Variants in TMPRSS6 observed in about 807,000 individuals in gnomAD.
TMPRSS6 encodes transmembrane serine protease 6.
TMPRSS6 carries 67 observed loss-of-function variants against 101.5 expected under a neutral mutation model. That is an observed-to-expected ratio of 0.66 (90% CI 0.54 to 0.81). The LOEUF (loss-of-function observed/expected upper bound fraction) is 0.81. TMPRSS6 is among the 30% of genes least tolerant of loss of function. TMPRSS6 has a pLI of 0.00. For synonymous variants in TMPRSS6, 453 were observed against 464.9 expected (o/e 0.97, Z 0.33); for missense variants, 1,034 against 1,088.7 (o/e 0.95, Z 0.71).
chr22:37,073,492 C>T lies in TMPRSS6; in HGVS notation c.1555+40G>A, dbSNP rs540699038. On this transcript the variant is annotated intron_variant, in intron 13 of 17. Coordinates refer to ENST00000676104, the MANE Select transcript of TMPRSS6 (RefSeq NM_001374504.1). ...GAAGCATGTAGCAGGCCTAGACTGC[C>T]TTTGGTGTCCCTCCAGACACTCGGC... 27 of 1,444,072 alleles carry T rather than the reference C, an allele frequency of 1.9e-5. No homozygotes were observed. In the East Asian group the frequency reaches 2.0e-4, roughly 11 times the overall value. The allele number at this position is 1,444,072 out of a possible 1,614,324, so 89.5% of individuals were successfully genotyped here. A position where few individuals can be genotyped will look rare whatever the true frequency, so the allele number is the denominator to read the frequency against.
intron 6 of TMPRSS6, among the ~76,000 whole-genome samples, chr22:37,095,100 A>G (rs2543511): frequency 0.42 from 64,374 of 151,806 alleles, 13,782 homozygotes; most frequent in African/African-American, 0.47. Context: ...AAAGGAAAAG[A>G]GGGAAGGAGC....
At chr22:37,086,118 GA>G (rs555020910) in intron 8 of TMPRSS6, among the ~76,000 whole-genome samples, 164 bp downstream of exon 8, 1 of 143,772 alleles carries the variant, frequency 7.0e-6, no homozygotes, top group South Asian at 2.4e-4. Context: ...ACGGAAGGAA[GA>G]GGGGGGCCGG....
At chr22:37,084,655 C>A in intron 9 of TMPRSS6, 72 bp downstream of exon 9, 1 of 1,322,202 alleles carries the variant, frequency 7.6e-7, no homozygotes, top group South Asian at 1.3e-5. Context: ...TGCCCCCTCT[C>A]ATCCCGGGTC....
At chr22:37,095,388 G>A (rs185983955) in intron 6 of TMPRSS6, among the ~76,000 whole-genome samples, 163 bp downstream of exon 6, 1 of 152,230 alleles carries the variant, frequency 6.6e-6, no homozygotes, top group African/African-American at 2.4e-5. Context: ...TCCAAGACTT[G>A]CTTGGGACAC....
chr22:37,097,636 T>C (rs926379208), intron 3 of TMPRSS6, among the ~76,000 whole-genome samples: 4 of 151,960 alleles, frequency 2.6e-5, no homozygotes, highest in Non-Finnish European at 2.9e-5. Flanking sequence ...TGAGCCACCA[T>C]CCTGTAACAG....
In TMPRSS6 at chr22:37,069,161, C is replaced by T. The variant is rs374731279; in HGVS notation, c.2025G>A (p.Val675=). 4.9e-5 allele frequency: 78 copies of T among 1,581,558 alleles called. No homozygotes were observed. In the African/African-American group the frequency reaches 8.9e-4, roughly 18 times the overall value. ...LDHPVVRSAA[V]RPVCLPARSH... is the part of the protein sequence containing the mutation. ...AGCGCGCGGGCAGGCAGACGGGGCG[C>T]ACGGCGGCCGAGCGCACCACCGGGT... The change falls in exon 16 of 18, where the codon GTG becomes GTA. Residue 675 remains valine, a synonymous_variant. Coordinates refer to ENST00000676104, the MANE Select transcript of TMPRSS6 (RefSeq NM_001374504.1). The surrounding 1 kb of genome is among the most constrained non-coding windows in gnomAD (Gnocchi z 4.8).
rs1392107167 is a variant in TMPRSS6, at chr22:37,075,272, CCA to C, written c.1203_1204del (p.Cys401TrpfsTer65). 6.2e-7 allele frequency: 1 copy of C among 1,613,438 alleles called. No individual in the cohort carries two copies. The highest frequency in any genetic ancestry group is 8.5e-7 in the Non-Finnish European group (1 of 1,180,000). On this transcript the variant is annotated frameshift_variant, in exon 11 of 18. Transcript: ENST00000676104. LOFTEE classifies it high-confidence loss of function. The stretch of plus-strand genomic sequence containing the variant: ...GGCGTAGGGCTGCAGGATGCGCAAG[CCA>C]CACAGCCTGGGGGGAGTCAGAGACG...
chr22:37,077,310 C>T (rs900615438), intron 10 of TMPRSS6, among the ~76,000 whole-genome samples: 1 of 152,212 alleles, frequency 6.6e-6, no homozygotes, highest in African/African-American at 2.4e-5. Context: ...CGAATTCCCA[C>T]TGCAACAGGA....
chr22:37,078,973 A>AAAAAGAAAGAAAGAAAG (rs1555888508), intron 10 of TMPRSS6, among the ~76,000 whole-genome samples: 16 of 106,510 alleles, frequency 1.5e-4, no homozygotes, highest in Non-Finnish European at 3.1e-4. Context: ...GAAAGAAAGA[A>AAAAAGAAAGAAAGAAAG]AAAGAAAGAA....
chr22:37,083,027 G>T, intron 10 of TMPRSS6: 1 of 471,126 alleles, frequency 2.1e-6, no homozygotes. Flanking sequence ...AAGAATTCTA[G>T]AGCCCCAGAG....
At chr22:37,098,664 C>A in intron 2 of TMPRSS6, 115 bp from the exon 3 acceptor site, 1 of 1,346,806 alleles carries the variant, frequency 7.4e-7, no homozygotes, top group South Asian at 1.2e-5. Context: ...TGTCTTGGGT[C>A]TCCATGGCAC....
At chr22:37,087,138 G>A (rs1456227336) in intron 7 of TMPRSS6, among the ~76,000 whole-genome samples, 1 of 152,128 alleles carries the variant, frequency 6.6e-6, no homozygotes, top group East Asian at 1.9e-4. Flanking sequence ...CCCCTGGTCT[G>A]CCTGTCTCAG....
At position 37,078,993 on chromosome 22, in the gene TMPRSS6, G is replaced by GA. The variant is rs1316609053; in HGVS notation, c.1197-3714dup. 8.6e-4 allele frequency among the ~76,000 whole-genome samples: 130 copies of GA among 150,910 alleles called. 1 individual carries two copies. Among genetic ancestry groups the GA allele is most frequent in the African/African-American group, 3.0e-3 (123 of 40,792 alleles). Reference sequence around the variant, plus strand: ...AAAGAAAAAGAAAGAAAGAAAGAAAGAAAGAAAGAAAGAAAGAAAGAAAGA... The same window carrying GA: ...AAAGAAAAAGAAAGAAAGAAAGAAAGAAAAGAAAGAAAGAAAGAAAGAAAGA... On this transcript the variant is annotated intron_variant, in intron 10 of 17. Coordinates refer to ENST00000676104, the MANE Select transcript of TMPRSS6 (RefSeq NM_001374504.1).
In TMPRSS6 at chr22:37,069,065, C is replaced by A. The variant is rs1399434619; in HGVS notation, c.2113+8G>T. ...CTCCGCCTCCCGCCGCAAGTCCCCGCTGCTCACCGCCCTCGCGCAAGGCGC... is the reference window on the plus strand; with the variant it reads ...CTCCGCCTCCCGCCGCAAGTCCCCGATGCTCACCGCCCTCGCGCAAGGCGC... On this transcript the variant is annotated splice_region_variant and intron_variant, in intron 16 of 17. Coordinates refer to ENST00000676104, the MANE Select transcript of TMPRSS6 (RefSeq NM_001374504.1). This position sits in a 1 kb window ranked among gnomAD's most constrained non-coding sequence, Gnocchi z 4.8. 2 of 1,538,800 alleles carry A rather than the reference C, an allele frequency of 1.3e-6. No homozygotes were observed. Among genetic ancestry groups the A allele is most frequent in the Non-Finnish European group, 1.7e-6 (2 of 1,147,940 alleles).
chr22:37,098,630 C>A, intron 2 of TMPRSS6, 81 bp from the exon 3 acceptor site: 1 of 1,599,222 alleles, frequency 6.3e-7, no homozygotes, highest in Non-Finnish European at 8.6e-7. Context: ...TCTCCTGCCA[C>A]CCACACCCTC....
chr22:37,072,879 TGATG>T (rs1258272462), intron 13 of TMPRSS6, among the ~76,000 whole-genome samples: 4 of 137,852 alleles, frequency 2.9e-5, no homozygotes, highest in Admixed American at 1.4e-4. Context: ...GATGCATGGA[TGATG>T]GATGGATGAA....
At chr22:37,104,962 G>GAAAAA (rs57543962) in intron 1 of TMPRSS6, among the ~76,000 whole-genome samples, 7 of 143,558 alleles carry the variant, frequency 4.9e-5, no homozygotes, top group African/African-American at 1.3e-4. Context: ...CTCTGCTTGA[G>GAAAAA]AAAAAAAAAA....
rs1267306866 is a variant in TMPRSS6 at position 37,069,846 on chromosome 22, C to G, written c.1842-502G>C. 6.6e-6 allele frequency among the ~76,000 whole-genome samples: 1 copy of G among 152,138 alleles called. No individual in the cohort carries two copies. Among genetic ancestry groups the G allele is most frequent in the Admixed American group, 6.5e-5 (1 of 15,284 alleles). On this transcript the variant is annotated intron_variant, in intron 15 of 17. Transcript: ENST00000676104. The surrounding 1 kb of genome is among the most constrained non-coding windows in gnomAD (Gnocchi z 4.8). Reference sequence around the variant, plus strand: ...AGCTGCCTGGGTGGCAGATGGGCAGCCTTCGGGTCTCTACCCTCTACCTGA... The same window carrying G: ...AGCTGCCTGGGTGGCAGATGGGCAGGCTTCGGGTCTCTACCCTCTACCTGA...
intron 10 of TMPRSS6, among the ~76,000 whole-genome samples, chr22:37,075,959 A>G (rs1483547275): frequency 2.7e-5 from 4 of 150,322 alleles, no homozygotes; most frequent in Non-Finnish European, 5.9e-5. Flanking sequence ...AGAAGGAAGG[A>G]AGGGAGGGAG....
Sources: allele counts gnomAD v4.1 joint callset (sites outside exome capture counted in the v4.1 genomes callset), GRCh38; gene constraint gnomAD v4.1.1; non-coding constraint Gnocchi (gnomAD v3.1); transcripts MANE v1.5; gene names NCBI Gene and HGNC (gene_info 2026-07-23, HGNC 2026-07-21).